The following EPM2A variants were observed in gnomAD, a reference collection of about 807,000 sequenced individuals.
EPM2A encodes the protein laforin.
EPM2A carries 21 observed loss-of-function variants against 26.5 expected under a neutral mutation model. That is an observed-to-expected ratio of 0.79 (90% CI 0.56 to 1.14). The LOEUF (loss-of-function observed/expected upper bound fraction) is 1.14. Among genes scored for constraint, EPM2A ranks in the 50% most tolerant of loss-of-function variants. The pLI is 0.00. For synonymous variants in EPM2A, 217 were observed against 177.6 expected (o/e 1.22, Z -1.76); for missense variants, 458 against 440.8 (o/e 1.04, Z -0.35).
chr6:145,597,762 C>A (rs1211313564), intron 2 of EPM2A, among the ~76,000 whole-genome samples: 1 of 152,050 alleles, frequency 6.6e-6, no homozygotes, highest in South Asian at 2.1e-4. Context: ...GTCTGTTGTT[C>A]CCTTCTTTGT....
intron 1 of EPM2A, among the ~76,000 whole-genome samples, chr6:145,718,882 T>C (rs1257388069): frequency 6.6e-6 from 1 of 152,142 alleles, no homozygotes; most frequent in Non-Finnish European, 1.5e-5. Context: ...ATGCTCATCA[T>C]CACTGGCCAT....
At chr6:145,671,426 T>A in intron 2 of EPM2A, 1 of 988,176 alleles carries the variant, frequency 1.0e-6, no homozygotes, top group Middle Eastern at 2.8e-4. Context: ...TGATATGAAC[T>A]ATAGTCATTG....
Position 145,502,449 on chromosome 6 carries a change from A to G in EPM2A, c.394+73T>C, listed in dbSNP as rs1203431896. ...GAATGACTGCACAGCCCCCAAATAT[A>G]TGACTTTCCTGAAGAAGAGATGACA... On this transcript the variant is annotated intron_variant, in intron 3 of 3. Transcript: ENST00000450221. 3 of 462,916 alleles carry G rather than the reference A, an allele frequency of 6.5e-6. No individual in the cohort carries two copies. In the Admixed American group the frequency reaches 7.1e-5, roughly 11 times the overall value. 28.7% of individuals were successfully genotyped at this position (462,916 alleles called of 1,614,324 possible). A position where few individuals can be genotyped will look rare whatever the true frequency, so the allele number is the denominator to read the frequency against.
At chr6:145,541,119 G>A (rs1780503408) in intron 2 of EPM2A, among the ~76,000 whole-genome samples, 1 of 151,586 alleles carries the variant, frequency 6.6e-6, no homozygotes, top group South Asian at 2.1e-4. Context: ...AAGCATGTAT[G>A]AAAACAGTTT....
At chr6:145,610,248 A>C (rs1304335226) in intron 2 of EPM2A, among the ~76,000 whole-genome samples, 1 of 152,074 alleles carries the variant, frequency 6.6e-6, no homozygotes, top group Non-Finnish European at 1.5e-5. Context: ...AGAGTTTTCA[A>C]TTTCGGCTTT....
At chr6:145,601,948 C>T (rs538070512) in intron 2 of EPM2A, among the ~76,000 whole-genome samples, 6 of 152,206 alleles carry the variant, frequency 3.9e-5, no homozygotes, top group African/African-American at 1.2e-4. Flanking sequence ...AAAGGAATTA[C>T]AATTAATTAT....
chr6:145,522,056 C>T (rs1260763393), intron 2 of EPM2A, among the ~76,000 whole-genome samples: 1 of 152,070 alleles, frequency 6.6e-6, no homozygotes, highest in African/African-American at 2.4e-5. Context: ...GGGTTCACGC[C>T]ATTCTCCTGC....
intron 1 of EPM2A, among the ~76,000 whole-genome samples, chr6:145,723,273 T>A (rs1269690013): frequency 1.3e-5 from 2 of 152,102 alleles, no homozygotes; most frequent in Non-Finnish European, 2.9e-5. Context: ...TCTAAGAATA[T>A]AAAACCTCAC....
chr6:145,532,299 A>G (rs997360822), intron 2 of EPM2A, among the ~76,000 whole-genome samples: 17 of 152,180 alleles, frequency 1.1e-4, no homozygotes, highest in African/African-American at 4.1e-4. Context: ...ATAAACACAA[A>G]TCTTCTTGAA....
chr6:145,715,411 C>T (rs921635151), intron 1 of EPM2A, among the ~76,000 whole-genome samples: 3 of 152,182 alleles, frequency 2.0e-5, no homozygotes, highest in African/African-American at 7.2e-5. Flanking sequence ...ACAGGAAGAA[C>T]ATGCAGACTC....
At chr6:145,668,294 T>C (rs563921785) in intron 2 of EPM2A, among the ~76,000 whole-genome samples, 3 of 152,148 alleles carry the variant, frequency 2.0e-5, no homozygotes, top group South Asian at 2.1e-4. Flanking sequence ...GCAATTAACA[T>C]AATGGTCAAG....
At chr6:145,582,529 C>T (rs1781129892) in intron 2 of EPM2A, among the ~76,000 whole-genome samples, 1 of 152,156 alleles carries the variant, frequency 6.6e-6, no homozygotes, top group South Asian at 2.1e-4. Flanking sequence ...TCCACTTTAG[C>T]CTAATGGGGT....
At chr6:145,575,190 G>A (rs1781014237) in intron 2 of EPM2A, among the ~76,000 whole-genome samples, 1 of 152,140 alleles carries the variant, frequency 6.6e-6, no homozygotes, top group Non-Finnish European at 1.5e-5. Context: ...AGCATGGGTT[G>A]GGGAGGGGAT....
chr6:145,723,440 C>A (rs1776043435), intron 1 of EPM2A, among the ~76,000 whole-genome samples: 1 of 151,858 alleles, frequency 6.6e-6, no homozygotes, highest in South Asian at 2.1e-4. Flanking sequence ...ACACAGAACA[C>A]AAAAACACAC....
At chr6:145,734,728 A>G (rs1411385447) in intron 1 of EPM2A, 1 of 152,288 alleles carries the variant, frequency 6.6e-6, no homozygotes, top group Non-Finnish European at 1.5e-5. Flanking sequence ...ACAAAACCCA[A>G]CCAAGGCGGA....
chr6:145,419,679 A>G (rs1035341372), intron 4 of EPM2A, among the ~76,000 whole-genome samples: 5 of 152,198 alleles, frequency 3.3e-5, no homozygotes, highest in Non-Finnish European at 5.9e-5. Flanking sequence ...TCATTGCACT[A>G]AAGACTAAAA....
chr6:145,717,733 C>T (rs1430816386), intron 1 of EPM2A, among the ~76,000 whole-genome samples: 1 of 149,052 alleles, frequency 6.7e-6, no homozygotes, highest in Non-Finnish European at 1.5e-5. Flanking sequence ...TGTCTCAGCC[C>T]AAAATCTCCT....
intron 2 of EPM2A, among the ~76,000 whole-genome samples, chr6:145,533,339 T>C (rs1780388158): frequency 1.3e-5 from 2 of 152,154 alleles, no homozygotes; most frequent in South Asian, 4.1e-4. Flanking sequence ...TCATAACTCA[T>C]CTTACAGTGT....
intron 2 of EPM2A, among the ~76,000 whole-genome samples, chr6:145,655,781 A>T (rs542122326): frequency 1.3e-5 from 2 of 152,304 alleles, no homozygotes; most frequent in East Asian, 3.9e-4. Flanking sequence ...CGGAAAAAAA[A>T]GGGAACATAA....
Sources: gnomAD v4.1 joint callset for allele counts (sites outside exome capture counted in the v4.1 genomes callset) on GRCh38, gnomAD v4.1.1 for gene constraint, MANE v1.5 for transcripts, NCBI Gene and HGNC (gene_info 2026-07-23, HGNC 2026-07-21) for gene names.